The following STIM2 variants were observed in gnomAD, a reference collection of about 807,000 sequenced individuals.
STIM2 encodes the protein stromal interaction molecule 2.
STIM2 carries 31 observed loss-of-function variants against 85.8 expected under a neutral mutation model. The observed-to-expected ratio is 0.36, with a 90% CI of 0.27 to 0.49. The LOEUF (loss-of-function observed/expected upper bound fraction) is 0.49. Among genes scored for constraint, STIM2 ranks in the 20% least tolerant of loss-of-function variants. The probability of loss-of-function intolerance (pLI) is 0.98; values close to 1 mark genes in which losing one functional copy is unlikely to be tolerated. For missense variants in STIM2, 841 were observed against 927.6 expected, an observed-to-expected ratio of 0.91 and a Z score of 1.21; for synonymous variants, 356 against 331.1, an observed-to-expected ratio of 1.08 and a Z score of -0.82.
intron 1 of STIM2, among the ~76,000 whole-genome samples, chr4:26,880,479 C>G (rs1295301424): frequency 6.6e-6 from 1 of 151,728 alleles, no homozygotes; most frequent in Non-Finnish European, 1.5e-5. Flanking sequence ...GAAATATAAG[C>G]TGTAAAAGGA....
rs1265717828 is a variant in STIM2, at chr4:27,017,956, G to A, written c.1735G>A (p.Ala579Thr). The A allele has an allele frequency of 5.6e-6, 9 of 1,614,034 alleles. No homozygotes were observed. Among genetic ancestry groups the A allele is most frequent in the South Asian group, 2.2e-5 (2 of 91,088 alleles). ...TTATCGAAATGAAGAGGAGGAAGAG[G>A]CCATTTACTTCTCTGCTGAAAAGCA... The change falls in exon 11 of 12, where the codon GCC becomes ACC. Residue 579 changes from alanine (A) to threonine (T), a missense_variant. Ala to Thr is a moderately conservative substitution (Grantham distance 58). Around this residue, in one of 3 missense-constraint regions of STIM2, gnomAD observed 293 missense variants for 284.5 expected, o/e 1.03. Transcript: ENST00000467087.
intron 7 of STIM2, among the ~76,000 whole-genome samples, chr4:27,005,631 G>T (rs1449611097): frequency 2.6e-5 from 4 of 152,140 alleles, no homozygotes; most frequent in African/African-American, 7.2e-5. Context: ...TAAACTAAGG[G>T]TTGGGATTTA....
At chr4:26,999,184 T>G in intron 4 of STIM2, 48 bp from the exon 5 acceptor site, 1 of 813,820 alleles carries the variant, frequency 1.2e-6, no homozygotes, top group South Asian at 3.8e-5. Context: ...CTAGAAATAT[T>G]TTCATTTAAT....
intron 3 of STIM2, among the ~76,000 whole-genome samples, chr4:26,978,401 C>T (rs1020525911): frequency 7.9e-5 from 12 of 151,520 alleles, no homozygotes; most frequent in Admixed American, 2.0e-4. Context: ...TAAAAACTAT[C>T]CCTATTTAAT....
At chr4:27,019,803 C>G (rs1181206728) in intron 11 of STIM2, among the ~76,000 whole-genome samples, 1 of 151,560 alleles carries the variant, frequency 6.6e-6, no homozygotes, top group Non-Finnish European at 1.5e-5. Flanking sequence ...CCATGTCACT[C>G]TGGGGAAAAA....
chr4:26,909,579 A>G (rs555753000), intron 1 of STIM2, among the ~76,000 whole-genome samples: 1 of 152,342 alleles, frequency 6.6e-6, no homozygotes, highest in East Asian at 1.9e-4. Context: ...ACTAACAACA[A>G]TATTCTCTTT....
chr4:26,891,558 TACAC>T (rs71643700), intron 1 of STIM2, among the ~76,000 whole-genome samples: 16,064 of 144,494 alleles, frequency 0.11, 964 homozygotes, highest in East Asian at 0.18. Context: ...TATACATACA[TACAC>T]ACACACACAC....
intron 3 of STIM2, among the ~76,000 whole-genome samples, chr4:26,962,745 A>G (rs952729648): frequency 1.3e-5 from 2 of 152,204 alleles, no homozygotes; most frequent in African/African-American, 4.8e-5. Context: ...GAATTACTGA[A>G]TGTATTTAAA....
intron 2 of STIM2, among the ~76,000 whole-genome samples, chr4:26,938,034 A>G (rs937754052): frequency 2.0e-5 from 3 of 152,004 alleles, no homozygotes; most frequent in Non-Finnish European, 4.4e-5. Flanking sequence ...AATAATTTAA[A>G]TAGCTTAAAT....
intron 3 of STIM2, among the ~76,000 whole-genome samples, chr4:26,961,878 A>C (rs574895245): frequency 7.1e-4 from 108 of 152,054 alleles, no homozygotes; most frequent in African/African-American, 2.6e-3. Context: ...GAGCCACTAG[A>C]GTAGTTGAGG....
intron 11 of STIM2, chr4:27,021,180 T>A: frequency 1.1e-6 from 1 of 881,626 alleles, no homozygotes. Flanking sequence ...TACCGTAAAC[T>A]TGCCACTCTT....
chr4:26,939,363 G>A (rs187217526), intron 2 of STIM2, among the ~76,000 whole-genome samples: 2 of 152,050 alleles, frequency 1.3e-5, no homozygotes, highest in African/African-American at 4.8e-5. Flanking sequence ...GGCCTTTCTG[G>A]GTCTGGCCTG....
intron 2 of STIM2, among the ~76,000 whole-genome samples, chr4:26,932,664 T>C (rs1239055996): frequency 6.6e-6 from 1 of 152,212 alleles, no homozygotes; most frequent in Non-Finnish European, 1.5e-5. Flanking sequence ...ATCAAACTTT[T>C]GGAATGGCCT....
intron 5 of STIM2, among the ~76,000 whole-genome samples, chr4:27,000,827 T>A (rs79055815): frequency 2.2e-5 from 3 of 139,116 alleles, no homozygotes; most frequent in Admixed American, 7.3e-5. Context: ...TTTTTTTTTT[T>A]AATCTTTTCC....
rs1722153787 is a variant in STIM2, at chr4:26,861,057, G to C, written c.-162G>C. On this transcript the variant is annotated 5_prime_UTR_variant, in exon 1 of 12. Coordinates refer to ENST00000467087, the MANE Select transcript of STIM2 (RefSeq NM_020860.4). ...GTGTCTGAGGCGGCGGGGGCGGCCG[G>C]AGGAGTCGCCGGCGGCGGTGGTGGC... 1 of 1,189,466 alleles carries C rather than the reference G, an allele frequency of 8.4e-7. No homozygotes were observed. Among genetic ancestry groups the C allele is most frequent in the Non-Finnish European group, 1.0e-6 (1 of 962,696 alleles). The allele number at this position is 1,189,466 out of a possible 1,614,324, so 73.7% of individuals were successfully genotyped here.
At chr4:26,874,292 G>A (rs1231523101) in intron 1 of STIM2, 2 of 389,930 alleles carry the variant, frequency 5.1e-6, no homozygotes, top group Non-Finnish European at 5.1e-6. Flanking sequence ...AGCTGCTCCT[G>A]GTACTGGAGA....
intron 3 of STIM2, among the ~76,000 whole-genome samples, chr4:26,979,087 A>G (rs971206247): frequency 5.3e-5 from 8 of 152,192 alleles, no homozygotes; most frequent in Non-Finnish European, 5.9e-5. Flanking sequence ...TTTTAATGAA[A>G]TGAGCTAATG....
rs777545959 is a variant in STIM2, at chr4:27,008,930, C to G, written c.1417C>G (p.Pro473Ala). ...GGTGGTGATGCCCAGAGTCTCCATT[C>G]CACCCTATCCAATTGCTGGAGGAGT... Residue 473 changes from proline (P) to alanine (A), a missense_variant, in exon 10 of 12, where the codon CCA becomes GCA. Pro to Ala is a conservative substitution (Grantham distance 27, BLOSUM62 -1). Around this residue, in one of 3 missense-constraint regions of STIM2, gnomAD observed 408 missense variants for 525.4 expected, o/e 0.78. Coordinates refer to ENST00000467087, the MANE Select transcript of STIM2 (RefSeq NM_020860.4). The G allele has an allele frequency of 1.2e-6, 2 of 1,614,130 alleles. No individual in the cohort carries two copies. The highest frequency in any genetic ancestry group is 2.2e-5 in the South Asian group (2 of 91,080).
At chr4:26,945,766 C>T (rs1725812213) in intron 2 of STIM2, among the ~76,000 whole-genome samples, 1 of 152,036 alleles carries the variant, frequency 6.6e-6, no homozygotes, top group African/African-American at 2.4e-5. Context: ...AGTGTCTGTT[C>T]ATGTCCTTTG....
Sources: gnomAD v4.1 joint callset for allele counts (sites outside exome capture counted in the v4.1 genomes callset) on GRCh38, gnomAD v4.1.1 for gene constraint, gnomAD v4.1.1 regional missense constraint, MANE v1.5 for transcripts, NCBI Gene and HGNC (gene_info 2026-07-23, HGNC 2026-07-21) for gene names.